GLI3: variants seen among roughly 807,000 people sequenced by gnomAD.
The protein encoded by GLI3 is GLI family zinc finger 3, also known as transcription activator GLI3.
Under a neutral mutation model 100.8 loss-of-function variants are expected in GLI3, and 20 were observed. That is an observed-to-expected ratio of 0.20 (90% confidence interval 0.14 to 0.29). The LOEUF is 0.29. Among genes scored for constraint, GLI3 ranks in the 10% least tolerant of loss-of-function variants. The pLI is 1.00. For missense variants in GLI3, 2,040 were observed against 2,128.5 expected (o/e 0.96, Z 0.82); for synonymous variants, 938 against 860.5 (o/e 1.09, Z -1.58).
intron 3 of GLI3, among the ~76,000 whole-genome samples, chr7:42,124,526 C>T (rs1369138447): frequency 1.3e-5 from 2 of 152,170 alleles, no homozygotes; most frequent in Non-Finnish European, 2.9e-5. Flanking sequence ...TACCCTGAAC[C>T]ACTGACCAAG....
intron 7 of GLI3, among the ~76,000 whole-genome samples, chr7:42,031,691 G>C (rs1327595209): frequency 6.6e-6 from 1 of 152,202 alleles, no homozygotes; most frequent in Admixed American, 6.5e-5. Context: ...AAATGTGGTT[G>C]TTAGATAGCT....
At chr7:42,237,993 CG>C (rs1788860393), upstream of GLI3, 1 of 162,048 alleles carries the variant, frequency 6.2e-6, no homozygotes, top group African/African-American at 2.6e-5. Context: ...CCGCCGCCGC[CG>C]CCGCCGCCGC....
chr7:42,152,942 G>A (rs1224859583), intron 2 of GLI3, among the ~76,000 whole-genome samples: 1 of 152,172 alleles, frequency 6.6e-6, no homozygotes, highest in East Asian at 1.9e-4. Flanking sequence ...TCTCCAACCA[G>A]CTAGCCGCTC....
chr7:42,255,447 A>G (rs991391942), intron 1 of GLI3, among the ~76,000 whole-genome samples: 1 of 152,180 alleles, frequency 6.6e-6, no homozygotes. Context: ...CCATTACCTA[A>G]AAGAAAAATC....
At chr7:42,247,747 GCT>G (rs1788990197) in intron 1 of GLI3, among the ~76,000 whole-genome samples, 2 of 152,206 alleles carry the variant, frequency 1.3e-5, no homozygotes. Flanking sequence ...CTGCTGCTCA[GCT>G]CTTTCTTCAG....
At chr7:42,255,841 C>A (rs1247418538) in intron 1 of GLI3, among the ~76,000 whole-genome samples, 1 of 152,090 alleles carries the variant, frequency 6.6e-6, no homozygotes, top group Non-Finnish European at 1.5e-5. Flanking sequence ...AGTAAAATTG[C>A]AGGGTTGTAT....
chr7:42,212,062 C>A (rs1204216123), intron 2 of GLI3, among the ~76,000 whole-genome samples: 1 of 152,218 alleles, frequency 6.6e-6, no homozygotes, highest in Non-Finnish European at 1.5e-5. Flanking sequence ...TGGTTACAGT[C>A]GTGAGCAGTT....
intron 1 of GLI3, among the ~76,000 whole-genome samples, chr7:42,234,131 A>G (rs1382224856): frequency 6.6e-6 from 1 of 152,234 alleles, no homozygotes; most frequent in Non-Finnish European, 1.5e-5. Context: ...TTCCATTGCT[A>G]AGGTTTTCTT....
At chr7:41,982,574 G>A (rs77536876) in intron 10 of GLI3, among the ~76,000 whole-genome samples, 1 of 151,808 alleles carries the variant, frequency 6.6e-6, no homozygotes, top group African/African-American at 2.4e-5. Context: ...TGGTGGTATA[G>A]GCTTGTAGTC....
intron 6 of GLI3, among the ~76,000 whole-genome samples, chr7:42,043,867 T>C (rs1374431907): frequency 1.3e-5 from 2 of 152,228 alleles, no homozygotes; most frequent in African/African-American, 4.8e-5. Flanking sequence ...CTGATTTGCA[T>C]AATAACACAA....
At chr7:42,012,853 G>A (rs1032365111) in intron 10 of GLI3, among the ~76,000 whole-genome samples, 2 of 152,192 alleles carry the variant, frequency 1.3e-5, no homozygotes, top group African/African-American at 4.8e-5. Flanking sequence ...CTGCACCAGA[G>A]GAACCTGTGC....
intron 2 of GLI3, among the ~76,000 whole-genome samples, chr7:42,220,387 A>C (rs1253805250): frequency 6.6e-6 from 1 of 152,184 alleles, no homozygotes; most frequent in African/African-American, 2.4e-5. Flanking sequence ...AGATGGATGG[A>C]CAGAAGGATG....
In GLI3 at chr7:42,208,165, T is replaced by C. The variant is rs556619329; in HGVS notation, c.124+14965A>G. On this transcript the variant is annotated intron_variant, in intron 2 of 14. Transcript: ENST00000395925. Reference sequence around the variant, plus strand: ...CAGAGGGAGACTCCATCTCAAAAAATAAGTAGATAAATAAAAATAAAAATA... The same window carrying C: ...CAGAGGGAGACTCCATCTCAAAAAACAAGTAGATAAATAAAAATAAAAATA... Among the ~76,000 whole-genome samples the C allele has an allele frequency of 1.3e-4, 19 of 151,868 alleles. No homozygotes were observed. The South Asian group carries it at 3.7e-3, about 30-fold the overall frequency.
chr7:42,212,819 C>T (rs1788296023), intron 2 of GLI3, among the ~76,000 whole-genome samples: 1 of 152,236 alleles, frequency 6.6e-6, no homozygotes, highest in African/African-American at 2.4e-5. Context: ...ATACAATTCA[C>T]TGTGAAACAT....
At chr7:42,119,927 G>A (rs1253417937) in intron 3 of GLI3, among the ~76,000 whole-genome samples, 1 of 152,152 alleles carries the variant, frequency 6.6e-6, no homozygotes, top group Non-Finnish European at 1.5e-5. Context: ...CCGGGGATGT[G>A]TTCCAGATGA....
intron 4 of GLI3, among the ~76,000 whole-genome samples, chr7:42,066,005 C>T (rs375292670): frequency 3.9e-5 from 6 of 152,124 alleles, no homozygotes; most frequent in Admixed American, 2.0e-4. Flanking sequence ...AGACCCACAG[C>T]GGATCGAAGC....
chr7:42,240,923 C>G (rs1048821291), upstream of GLI3, among the ~76,000 whole-genome samples: 1 of 152,176 alleles, frequency 6.6e-6, no homozygotes, highest in Non-Finnish European at 1.5e-5. Context: ...ATACTTTTCT[C>G]CCCTCACTTA....
intron 3 of GLI3, among the ~76,000 whole-genome samples, chr7:42,123,396 A>G (rs1562742987): frequency 6.6e-6 from 1 of 152,236 alleles, no homozygotes; most frequent in African/African-American, 2.4e-5. Flanking sequence ...CATATTTAGT[A>G]AAGTCTATAT....
chr7:42,058,750 T>C (rs1784510646), intron 4 of GLI3, among the ~76,000 whole-genome samples: 1 of 152,226 alleles, frequency 6.6e-6, no homozygotes, highest in South Asian at 2.1e-4. Flanking sequence ...ACTGAAACAA[T>C]GTTATACAAG....
Sources: gnomAD v4.1 joint callset for allele counts (sites outside exome capture counted in the v4.1 genomes callset) on GRCh38, gnomAD v4.1.1 for gene constraint, MANE v1.5 for transcripts, NCBI Gene and HGNC (gene_info 2026-07-23, HGNC 2026-07-21) for gene names.